Variants in AKR1C8 observed in about 807,000 individuals in gnomAD.
AKR1C8 encodes aldo-keto reductase family 1 member C-like protein 1.
the AKR1C8 span, among the ~76,000 whole-genome samples, chr10:5,172,785 G>C: frequency 6.6e-6 from 1 of 152,020 alleles, no homozygotes; most frequent in Non-Finnish European, 1.5e-5. Context: ...AAATATTTAA[G>C]TGCTTATTTT....
the AKR1C8 span, among the ~76,000 whole-genome samples, chr10:5,147,603 G>A: frequency 3.3e-5 from 5 of 152,146 alleles, no homozygotes. Flanking sequence ...ATCCCAGCAA[G>A]GCAGACGTTC....
the AKR1C8 span, among the ~76,000 whole-genome samples, chr10:5,180,559 GTC>G: frequency 1.2e-4 from 18 of 152,186 alleles, no homozygotes; most frequent in African/African-American, 4.1e-4. Flanking sequence ...CTTTTTGTTT[GTC>G]TGTGCCCTGC....
chr10:5,129,791 A>G, the AKR1C8 span, among the ~76,000 whole-genome samples: 1 of 151,970 alleles, frequency 6.6e-6, no homozygotes, highest in Non-Finnish European at 1.5e-5. Context: ...ATTGCCAACA[A>G]AAAAAGCCAA....
At chr10:5,180,614 C>A in the AKR1C8 span, among the ~76,000 whole-genome samples, 2 of 152,220 alleles carry the variant, frequency 1.3e-5, no homozygotes, top group Non-Finnish European at 2.9e-5. Context: ...CCTCCTTGAG[C>A]TGTGGTGGGC....
At chr10:5,137,111 T>C in the AKR1C8 span, among the ~76,000 whole-genome samples, 1 of 152,132 alleles carries the variant, frequency 6.6e-6, no homozygotes, top group Non-Finnish European at 1.5e-5. Context: ...TGTTACAAAA[T>C]GCTAACAATT....
At chr10:5,126,220 C>G in the AKR1C8 span, among the ~76,000 whole-genome samples, 1 of 152,266 alleles carries the variant, frequency 6.6e-6, no homozygotes, top group East Asian at 1.9e-4. Context: ...AGAAGCTCTG[C>G]ATGGGTACAC....
the AKR1C8 span, among the ~76,000 whole-genome samples, chr10:5,176,834 C>T: frequency 6.6e-6 from 1 of 152,060 alleles, no homozygotes; most frequent in Non-Finnish European, 1.5e-5. Context: ...AGTTTGTATC[C>T]TGAGACTTTG....
the AKR1C8 span, among the ~76,000 whole-genome samples, chr10:5,181,491 T>G: frequency 9.9e-5 from 15 of 152,202 alleles, no homozygotes; most frequent in African/African-American, 2.7e-4. Flanking sequence ...AAATTAAACT[T>G]GAGTTTCAAG....
the AKR1C8 span, among the ~76,000 whole-genome samples, chr10:5,117,449 T>C: frequency 9.2e-5 from 14 of 152,260 alleles, no homozygotes; most frequent in Admixed American, 7.2e-4. Context: ...ACCCTCCAGA[T>C]TGTCTCCAAT....
chr10:5,182,552 T>A, the AKR1C8 span, among the ~76,000 whole-genome samples: 1 of 152,178 alleles, frequency 6.6e-6, no homozygotes, highest in African/African-American at 2.4e-5. Context: ...ACTGAGGTAT[T>A]ATTATCTGAG....
the AKR1C8 span, among the ~76,000 whole-genome samples, chr10:5,171,891 T>C: frequency 6.6e-6 from 1 of 152,136 alleles, no homozygotes; most frequent in African/African-American, 2.4e-5. Context: ...TTAATAATCT[T>C]TTTACCAAAA....
At chr10:5,118,426 C>T in the AKR1C8 span, among the ~76,000 whole-genome samples, 1 of 152,088 alleles carries the variant, frequency 6.6e-6, no homozygotes, top group East Asian at 1.9e-4. Context: ...AAATGGGAGT[C>T]TTATGACCTA....
the AKR1C8 span, among the ~76,000 whole-genome samples, chr10:5,178,677 A>C: frequency 6.6e-6 from 1 of 152,198 alleles, no homozygotes; most frequent in Non-Finnish European, 1.5e-5. Flanking sequence ...TATTGGATGC[A>C]TATATATTTA....
the AKR1C8 span, among the ~76,000 whole-genome samples, chr10:5,129,267 A>G: frequency 3.0e-4 from 45 of 152,224 alleles, no homozygotes; most frequent in South Asian, 9.3e-3. Flanking sequence ...TCTGGAATAT[A>G]GCAAAAGCAG....
chr10:5,174,778 A>C, the AKR1C8 span, among the ~76,000 whole-genome samples: 1 of 152,090 alleles, frequency 6.6e-6, no homozygotes, highest in African/African-American at 2.4e-5. Flanking sequence ...AAAAGACATA[A>C]AAATAAATAT....
chr10:5,119,090 A>G, the AKR1C8 span, among the ~76,000 whole-genome samples: 1 of 152,178 alleles, frequency 6.6e-6, no homozygotes, highest in African/African-American at 2.4e-5. Flanking sequence ...TTCATTCATA[A>G]TCTACATCCT....
chr10:5,178,451 A>T, the AKR1C8 span, among the ~76,000 whole-genome samples: 3 of 152,126 alleles, frequency 2.0e-5, no homozygotes, highest in Non-Finnish European at 4.4e-5. Context: ...AAAAATGTAT[A>T]TTCTGTTGAT....
chr10:5,163,899 C>T, the AKR1C8 span, among the ~76,000 whole-genome samples: 3 of 152,158 alleles, frequency 2.0e-5, no homozygotes, highest in East Asian at 5.8e-4. Flanking sequence ...CCCATAACTA[C>T]ACTAATAAGA....
chr10:5,177,511 C>A, the AKR1C8 span, among the ~76,000 whole-genome samples: 6 of 152,256 alleles, frequency 3.9e-5, no homozygotes, highest in South Asian at 4.2e-4. Flanking sequence ...GTTAGGGAGG[C>A]TTCCTTCTTT....
Sources: allele counts gnomAD v4.1 joint callset (sites outside exome capture counted in the v4.1 genomes callset), GRCh38; gene constraint gnomAD v4.1.1; transcripts MANE v1.5; gene names NCBI Gene and HGNC (gene_info 2026-07-23, HGNC 2026-07-21).